The following PRKN variants were observed in gnomAD, a reference collection of about 807,000 sequenced individuals.
PRKN encodes the protein E3 ubiquitin-protein ligase parkin.
Under a neutral mutation model 59.5 loss-of-function variants are expected in PRKN, and 56 were observed. The ratio of observed to expected loss-of-function variants is 0.94; its 90% CI spans 0.76 to 1.18. PRKN has a LOEUF of 1.18. Ranked by LOEUF, PRKN falls within the 50% of genes most tolerant of loss-of-function variation. The pLI, the probability that PRKN is intolerant of heterozygous loss-of-function variation, is 0.00. For missense variants in PRKN, 657 were observed against 596.4 expected, an observed-to-expected ratio of 1.10 and a Z score of -1.06; for synonymous variants, 250 against 222.1, an observed-to-expected ratio of 1.13 and a Z score of -1.12.
At chr6:162,360,941 C>T (rs1461711962) in intron 2 of PRKN, among the ~76,000 whole-genome samples, 1 of 152,172 alleles carries the variant, frequency 6.6e-6, no homozygotes, top group African/African-American at 2.4e-5. Flanking sequence ...TTTTTGACAG[C>T]TTTGATCTTT....
chr6:162,109,762 A>G (rs1780343003), intron 4 of PRKN, among the ~76,000 whole-genome samples: 1 of 152,212 alleles, frequency 6.6e-6, no homozygotes, highest in South Asian at 2.1e-4. Context: ...TCCAATGAGC[A>G]CTTATACAAA....
intron 7 of PRKN, among the ~76,000 whole-genome samples, chr6:161,684,922 C>A (rs553880593): frequency 6.6e-6 from 1 of 152,090 alleles, no homozygotes. Context: ...TCTATTTCAT[C>A]AGCAGTTGTG....
At chr6:162,502,080 A>G (rs1793401683) in intron 1 of PRKN, among the ~76,000 whole-genome samples, 1 of 152,354 alleles carries the variant, frequency 6.6e-6, no homozygotes, top group South Asian at 2.1e-4. Context: ...TAAAAGGTGC[A>G]GTTAAAATAT....
chr6:162,261,779 ATC>A (rs1779897527), intron 3 of PRKN, among the ~76,000 whole-genome samples: 1 of 152,100 alleles, frequency 6.6e-6, no homozygotes, highest in Non-Finnish European at 1.5e-5. Context: ...CTTGGAAATT[ATC>A]TTTTTTTATT....
At chr6:161,366,330 A>T (rs995497604) in intron 10 of PRKN, among the ~76,000 whole-genome samples, 6 of 152,058 alleles carry the variant, frequency 3.9e-5, no homozygotes, top group Non-Finnish European at 7.4e-5. Flanking sequence ...TGTCCACAGG[A>T]CACCAGAGCT....
intron 10 of PRKN, among the ~76,000 whole-genome samples, chr6:161,380,571 G>T (rs559422895): frequency 3.3e-5 from 5 of 151,100 alleles, no homozygotes; most frequent in Non-Finnish European, 7.4e-5. Context: ...TATCCAAAAT[G>T]CCTAGTACTA....
At chr6:162,382,027 CT>C (rs1480536739) in intron 2 of PRKN, among the ~76,000 whole-genome samples, 1 of 152,126 alleles carries the variant, frequency 6.6e-6, no homozygotes, top group African/African-American at 2.4e-5. Context: ...TCAAAAATTT[CT>C]GGATATCTGC....
intron 5 of PRKN, among the ~76,000 whole-genome samples, chr6:161,998,735 TAG>T (rs1781935930): frequency 6.6e-6 from 1 of 152,162 alleles, no homozygotes; most frequent in African/African-American, 2.4e-5. Flanking sequence ...GAATAAAAGA[TAG>T]TGTAAGAGAA....
chr6:162,219,352 A>G (rs936359464), intron 3 of PRKN, among the ~76,000 whole-genome samples: 2 of 152,168 alleles, frequency 1.3e-5, no homozygotes, highest in Non-Finnish European at 2.9e-5. Context: ...AAAATTAATA[A>G]AAACTGACAA....
At chr6:161,936,144 C>G (rs12213142) in intron 6 of PRKN, among the ~76,000 whole-genome samples, 2 of 151,924 alleles carry the variant, frequency 1.3e-5, no homozygotes, top group Non-Finnish European at 2.9e-5. Context: ...AAAGCAATGG[C>G]TACCAAAAGG....
chr6:161,944,387 C>T (rs971596223), intron 6 of PRKN, among the ~76,000 whole-genome samples: 2 of 152,184 alleles, frequency 1.3e-5, no homozygotes, highest in Admixed American at 6.5e-5. Flanking sequence ...CCCTGCAAGG[C>T]CCGGCACAGA....
Position 161,359,962 on chromosome 6 carries a change from C to G in PRKN, c.1285+126G>C, listed in dbSNP as rs1018676251. 1.0e-5 allele frequency: 8 copies of G among 765,168 alleles called. No homozygotes were observed. Among genetic ancestry groups the G allele is most frequent in the Non-Finnish European group, 1.9e-5 (8 of 419,846 alleles). 47.4% of individuals were successfully genotyped at this position (765,168 alleles called of 1,614,324 possible). On this transcript the variant is annotated intron_variant, in intron 11 of 11. Transcript: ENST00000366898. This position sits in a 1 kb window ranked among gnomAD's most constrained non-coding sequence, Gnocchi z 5.4. ...AATAGTGATAATGGGTAACATTAAT[C>G]GAGGGGTTACCCAACACACCAGGCA... is the stretch of plus-strand genomic sequence containing the variant.
intron 4 of PRKN, among the ~76,000 whole-genome samples, chr6:162,138,475 T>C (rs1463064911): frequency 6.6e-6 from 1 of 152,098 alleles, no homozygotes; most frequent in African/African-American, 2.4e-5. Context: ...ATCCACCACC[T>C]AATGTACAAT....
chr6:162,133,789 G>A (rs1781465473), intron 4 of PRKN, among the ~76,000 whole-genome samples: 1 of 152,136 alleles, frequency 6.6e-6, no homozygotes, highest in Admixed American at 6.6e-5. Flanking sequence ...TGATGTCCCA[G>A]AAGTCATGAA....
intron 7 of PRKN, among the ~76,000 whole-genome samples, chr6:161,587,957 A>G (rs1183707999): frequency 3.3e-5 from 5 of 152,230 alleles, no homozygotes; most frequent in African/African-American, 1.2e-4. Flanking sequence ...TTAGAAGCAT[A>G]TATTGCTGTC....
intron 1 of PRKN, among the ~76,000 whole-genome samples, chr6:162,555,885 G>C (rs1779543281): frequency 6.6e-6 from 1 of 151,248 alleles, no homozygotes; most frequent in African/African-American, 2.4e-5. Flanking sequence ...CAGTTACTTG[G>C]GAAGGCGAGG....
intron 2 of PRKN, among the ~76,000 whole-genome samples, chr6:162,289,580 C>A (rs1295916688): frequency 6.6e-6 from 1 of 151,732 alleles, no homozygotes; most frequent in Non-Finnish European, 1.5e-5. Flanking sequence ...ACCTGTAATC[C>A]CAGCTACTTA....
intron 1 of PRKN, among the ~76,000 whole-genome samples, chr6:162,452,735 C>T (rs2128171549): frequency 6.6e-6 from 1 of 152,126 alleles, no homozygotes; most frequent in Non-Finnish European, 1.5e-5. Context: ...GTGACCAGAA[C>T]TCACCACATC....
intron 7 of PRKN, among the ~76,000 whole-genome samples, chr6:161,776,622 T>C (rs535977210): frequency 6.1e-4 from 93 of 152,292 alleles, no homozygotes; most frequent in African/African-American, 2.2e-3. Context: ...CAAACCATGA[T>C]GCCTAACCTA....
Sources: gnomAD v4.1 joint callset for allele counts (sites outside exome capture counted in the v4.1 genomes callset) on GRCh38, gnomAD v4.1.1 for gene constraint, Gnocchi (gnomAD v3.1) non-coding constraint, MANE v1.5 for transcripts, NCBI Gene and HGNC (gene_info 2026-07-23, HGNC 2026-07-21) for gene names.